The following GAB2 variants were observed in gnomAD, a reference collection of about 807,000 sequenced individuals.
The protein encoded by GAB2 is GRB2 associated binding protein 2.
A neutral mutation model predicts 65.5 loss-of-function variants in GAB2; 26 were observed. The ratio of observed to expected loss-of-function variants is 0.40; its 90% CI spans 0.29 to 0.55. The LOEUF is 0.55. Ranked by LOEUF, GAB2 falls within the 20% of genes least tolerant of loss-of-function variation. The probability of loss-of-function intolerance (pLI) is 0.53; values close to 1 mark genes in which losing one functional copy is unlikely to be tolerated. For synonymous variants in GAB2, 321 were observed against 329.6 expected, an observed-to-expected ratio of 0.97 and a Z score of 0.28; for missense variants, 884 against 875.8, an observed-to-expected ratio of 1.01 and a Z score of -0.12.
intron 1 of GAB2, among the ~76,000 whole-genome samples, chr11:78,388,617 T>G (rs562868060): frequency 9.8e-4 from 150 of 152,288 alleles, no homozygotes; most frequent in African/African-American, 3.5e-3. Context: ...TGTGAGCCAC[T>G]GTGCCTGGCA....
At chr11:78,273,398 G>C (rs1253269209) in intron 2 of GAB2, among the ~76,000 whole-genome samples, 2 of 151,786 alleles carry the variant, frequency 1.3e-5, no homozygotes, top group Non-Finnish European at 2.9e-5. Context: ...ATGTGAAACA[G>C]GGAGTCAAAG....
rs150573656 is a variant in GAB2, at chr11:78,318,857, T to A, written c.76-37956A>T. On this transcript the variant is annotated intron_variant, in intron 1 of 9. Coordinates refer to ENST00000361507, the MANE Select transcript of GAB2 (RefSeq NM_080491.3). ...GGAGGCAGCACTGGAAAAAGGAGCA[T>A]CTGGATGCAGTAAAGACCCATCCCT... is the stretch of plus-strand genomic sequence containing the variant. Among the ~76,000 whole-genome samples, 4 of 152,286 alleles carry A rather than the reference T, an allele frequency of 2.6e-5. No individual in the cohort carries two copies. In the East Asian group the frequency reaches 7.7e-4, roughly 29 times the overall value.
chr11:78,315,772 A>G (rs543887293), intron 1 of GAB2, among the ~76,000 whole-genome samples: 1 of 152,184 alleles, frequency 6.6e-6, no homozygotes, highest in Non-Finnish European at 1.5e-5. Flanking sequence ...ATATCTGGTA[A>G]AGGATTTGTG....
chr11:78,410,189 CAAAT>C (rs367688675), intron 1 of GAB2, among the ~76,000 whole-genome samples: 9 of 152,272 alleles, frequency 5.9e-5, no homozygotes, highest in African/African-American at 2.2e-4. Flanking sequence ...GGAAAAGTCT[CAAAT>C]GAATAAACTA....
At position 78,215,448 on chromosome 11, in the gene GAB2, A is replaced by AT. The variant is rs749420931; in HGVS notation, c.*3823dup. On this transcript the variant is annotated 3_prime_UTR_variant, in exon 10 of 10. Coordinates refer to ENST00000361507, the MANE Select transcript of GAB2 (RefSeq NM_080491.3). ...CCACCCACCGGATAAATATGTTACA[A>AT]TTTAAAAAAAAGAATACAACAGAAT... is the stretch of plus-strand genomic sequence containing the variant. The AT allele has an allele frequency of 6.6e-6, 1 of 152,620 alleles. No homozygotes were observed. The highest frequency in any genetic ancestry group is 1.5e-5 in the Non-Finnish European group (1 of 68,046). The allele number at this position is 152,620 out of a possible 1,614,324, so 9.5% of individuals were successfully genotyped here.
intron 6 of GAB2, among the ~76,000 whole-genome samples, chr11:78,222,641 G>A (rs1043514520): frequency 6.6e-6 from 1 of 151,494 alleles, no homozygotes; most frequent in Non-Finnish European, 1.5e-5. Flanking sequence ...GGAGTGCAGC[G>A]GCGCAATCTC....
chr11:78,385,895 T>A (rs76015137), intron 1 of GAB2, among the ~76,000 whole-genome samples: 2 of 152,362 alleles, frequency 1.3e-5, no homozygotes, highest in East Asian at 3.9e-4. Flanking sequence ...CAGCATTGCA[T>A]CTTTCATGCC....
At chr11:78,410,116 G>A (rs1857107591) in intron 1 of GAB2, among the ~76,000 whole-genome samples, 1 of 152,098 alleles carries the variant, frequency 6.6e-6, no homozygotes, top group African/African-American at 2.4e-5. Context: ...AAAATTAGTG[G>A]GACACAGCTA....
intron 3 of GAB2, among the ~76,000 whole-genome samples, chr11:78,238,484 TAA>T (rs778094254): frequency 1.3e-4 from 17 of 132,550 alleles, no homozygotes; most frequent in African/African-American, 1.1e-4. Flanking sequence ...CCCTGTCTCT[TAA>T]AAAAAAAAAA....
intron 3 of GAB2, among the ~76,000 whole-genome samples, chr11:78,238,204 A>G (rs1161582580): frequency 1.1e-5 from 1 of 88,708 alleles, no homozygotes; most frequent in East Asian, 4.1e-4. Context: ...TGAGGGAAGA[A>G]ACAAAAAAAA....
intron 1 of GAB2, among the ~76,000 whole-genome samples, chr11:78,383,452 C>T (rs775146352): frequency 2.0e-5 from 3 of 147,170 alleles, no homozygotes; most frequent in South Asian, 2.2e-4. Flanking sequence ...TTTTTTAAGA[C>T]GTGGGGTCTC....
intron 1 of GAB2, among the ~76,000 whole-genome samples, chr11:78,319,871 C>A (rs1015816219): frequency 2.1e-5 from 3 of 145,784 alleles, no homozygotes; most frequent in African/African-American, 7.5e-5. Context: ...AAGAAACAGA[C>A]TTTTTTTTTT....
intron 2 of GAB2, among the ~76,000 whole-genome samples, chr11:78,259,928 A>G (rs1865687812): frequency 6.6e-6 from 1 of 152,242 alleles, no homozygotes; most frequent in Admixed American, 6.5e-5. Context: ...GCCTGGGGGC[A>G]GGAGCAATCA....
intron 1 of GAB2, among the ~76,000 whole-genome samples, chr11:78,350,212 C>A (rs559063020): frequency 8.6e-4 from 131 of 152,318 alleles, no homozygotes; most frequent in Admixed American, 1.5e-3. Flanking sequence ...ATGGCTTGAG[C>A]TGCAAAAACA....
At chr11:78,263,636 G>GAAAA (rs61518720) in intron 2 of GAB2, among the ~76,000 whole-genome samples, 26 of 129,176 alleles carry the variant, frequency 2.0e-4, no homozygotes, top group African/African-American at 6.8e-4. Flanking sequence ...CTGTCTGGGG[G>GAAAA]AAAAAAAAAA....
At chr11:78,258,472 G>T (rs961643671) in intron 2 of GAB2, among the ~76,000 whole-genome samples, 1 of 152,124 alleles carries the variant, frequency 6.6e-6, no homozygotes, top group African/African-American at 2.4e-5. Flanking sequence ...CCCTGATGTG[G>T]ACTTCCCAGA....
In GAB2 at chr11:78,216,082, G is replaced by C. The variant is rs976793109; in HGVS notation, c.*3190C>G. 1 of 152,710 alleles carries C rather than the reference G, an allele frequency of 6.5e-6. No homozygotes were observed. The highest frequency in any genetic ancestry group is 2.4e-5 in the African/African-American group (1 of 41,466). 9.5% of individuals were successfully genotyped at this position (152,710 alleles called of 1,614,324 possible). On this transcript the variant is annotated 3_prime_UTR_variant, in exon 10 of 10. Transcript: ENST00000361507. Reference sequence around the variant, plus strand: ...TCCCCCAGAAAGAAGTTACAGAGGAGGGAGTCTCCCCTTCAAGCAGCTGAG... The same window carrying C: ...TCCCCCAGAAAGAAGTTACAGAGGACGGAGTCTCCCCTTCAAGCAGCTGAG...
At chr11:78,313,949 A>G (rs561311543) in intron 1 of GAB2, among the ~76,000 whole-genome samples, 2 of 152,332 alleles carry the variant, frequency 1.3e-5, no homozygotes, top group East Asian at 3.9e-4. Flanking sequence ...AAGACTACAG[A>G]AAGAGTAATG....
rs1565161738 is a variant in GAB2 at position 78,329,014 on chromosome 11, AT to A, written c.76-48114del. On this transcript the variant is annotated intron_variant, in intron 1 of 9. Transcript: ENST00000361507. Reference sequence around the variant, plus strand: ...AGGGAGAAATATGCTAATGTCTGCAATTTACTTTAAATGCTATAAAAAATAA... The same window carrying A: ...AGGGAGAAATATGCTAATGTCTGCAATTACTTTAAATGCTATAAAAAATAA... 5.3e-5 allele frequency among the ~76,000 whole-genome samples: 8 copies of A among 152,208 alleles called. 1 individual carries two copies. Among genetic ancestry groups the A allele is most frequent in the African/African-American group, 1.9e-4 (8 of 41,460 alleles).
Sources: allele counts gnomAD v4.1 joint callset (sites outside exome capture counted in the v4.1 genomes callset), GRCh38; gene constraint gnomAD v4.1.1; transcripts MANE v1.5; gene names NCBI Gene and HGNC (gene_info 2026-07-23, HGNC 2026-07-21).